Variants in ZNF467 observed in about 807,000 individuals in gnomAD.
ZNF467 encodes zinc finger protein 467.
In ZNF467, 51 loss-of-function variants were observed where a neutral mutation model predicts 47.8. The observed-to-expected ratio is 1.07, with a 90% confidence interval of 0.85 to 1.35. ZNF467 has a LOEUF of 1.35. Among genes scored for constraint, ZNF467 ranks in the 40% most tolerant of loss-of-function variants. The probability of loss-of-function intolerance (pLI) is 0.00; values close to 1 mark genes in which losing one functional copy is unlikely to be tolerated. For synonymous variants in ZNF467, 416 were observed against 372.9 expected (o/e 1.12, Z -1.33); for missense variants, 992 against 858.1 (o/e 1.16, Z -1.95).
chr7:149,775,039 G>A (rs989985825), upstream of ZNF467, among the ~76,000 whole-genome samples: 90 of 152,268 alleles, frequency 5.9e-4, no homozygotes, highest in African/African-American at 2.1e-3. Context: ...GGACCAGGGT[G>A]GACCCCGGAT....
chr7:149,767,047 G>T (rs1799246316), intron 4 of ZNF467, among the ~76,000 whole-genome samples: 1 of 152,222 alleles, frequency 6.6e-6, no homozygotes, highest in South Asian at 2.1e-4. Context: ...GCCCCTGTCG[G>T]GTGCTGCAAT....
In ZNF467 at chr7:149,765,298, G is replaced by A. The variant is rs763529325; in HGVS notation, c.1204C>T (p.Pro402Ser). The A allele has an allele frequency of 2.0e-6, 3 of 1,476,030 alleles. No homozygotes were observed. The highest frequency in any genetic ancestry group is 4.9e-5 in the East Asian group (2 of 40,454). 91.4% of individuals were successfully genotyped at this position (1,476,030 alleles called of 1,614,324 possible). Residue 402 changes from proline (P) to serine (S), a missense_variant, in exon 5 of 5, where the codon CCC (proline) becomes TCC (serine). Coordinates refer to ENST00000302017, the MANE Select transcript of ZNF467 (RefSeq NM_207336.3). ...GATVDAPAAK[P>S]LASAPGGPGC... ...GGTCCGCCAGGCGCGCTGGCCAGGG[G>A]CTTGGCGGCGGGGGCATCCACGGTG...
chr7:149,765,078 A>C lies in ZNF467; in HGVS notation c.1424T>G (p.Val475Gly). Residue 475 changes from valine to glycine, a missense_variant, in exon 5 of 5, where the codon GTC (valine) becomes GGC (glycine). By Grantham distance (109) the Val-to-Gly change is moderately radical. Transcript: ENST00000302017. ...DRRFGSRPNL[V>G]AHSRAHSGAR... The stretch of plus-strand genomic sequence containing the variant: ...GCCGCTGTGGGCCCTGGAGTGGGCG[A>C]CCAGATTAGGCCGCGAGCCGAAGCG... The C allele has an allele frequency of 6.8e-7, 1 of 1,478,956 alleles. No homozygotes were observed. The allele number at this position is 1,478,956 out of a possible 1,614,324, so 91.6% of individuals were successfully genotyped here. A position where few individuals can be genotyped will look rare whatever the true frequency, so the allele number is the denominator to read the frequency against.
rs1177667026 is a variant in ZNF467, at chr7:149,764,859, C to T, written c.1643G>A (p.Cys548Tyr). 1 of 1,552,602 alleles carries T rather than the reference C, an allele frequency of 6.4e-7. No homozygotes were observed. Among genetic ancestry groups the T allele is most frequent in the East Asian group, 2.3e-5 (1 of 43,924 alleles). ...GGTCTTGCGGCTGAAGCTCTTTCCG[C>T]ACTGCGGGCAGGAGAAGGGGCGGGA... is the stretch of plus-strand genomic sequence containing the variant. ...TGSRPFSCPQ[C>Y]GKSFSRKTHL... is the part of the protein sequence containing the mutation. The change falls in exon 5 of 5, where the codon TGC becomes TAC. Residue 548 changes from cysteine (C) to tyrosine (Y), a missense_variant. By Grantham distance (194) the Cys-to-Tyr change is radical. Coordinates refer to ENST00000302017, the MANE Select transcript of ZNF467 (RefSeq NM_207336.3).
At chr7:149,775,936 G>T, upstream of ZNF467, 3 of 880,230 alleles carry the variant, frequency 3.4e-6, no homozygotes, top group Non-Finnish European at 5.0e-6. Flanking sequence ...GGGAGGCTGC[G>T]TGGGGCAGGA....
rs1563080797 is a variant in ZNF467, at chr7:149,769,869, A to G, written c.151+571T>C. Among the ~76,000 whole-genome samples the G allele has an allele frequency of 6.6e-6, 1 of 152,128 alleles. No individual in the cohort carries two copies. Among genetic ancestry groups the G allele is most frequent in the African/African-American group, 2.4e-5 (1 of 41,442 alleles). On this transcript the variant is annotated intron_variant, in intron 3 of 4. Coordinates refer to ENST00000302017, the MANE Select transcript of ZNF467 (RefSeq NM_207336.3). The surrounding 1 kb of genome is among the most constrained non-coding windows in gnomAD (Gnocchi z 5.3). ...CTAACTTTTAATTTTTTGTGGAGAC[A>G]GGGTCTTGCCATGTTGCCTAGGCTG...
Position 149,773,516 on chromosome 7 carries a change from A to C in ZNF467, c.-451T>G. 1 of 15,256 alleles carries C rather than the reference A, an allele frequency of 6.6e-5. No individual in the cohort carries two copies. Among genetic ancestry groups the C allele is most frequent in the Non-Finnish European group, 1.3e-4 (1 of 7,568 alleles). 0.9% of individuals were successfully genotyped at this position (15,256 alleles called of 1,614,324 possible). On this transcript the variant is annotated 5_prime_UTR_variant, in exon 1 of 5. Transcript: ENST00000302017. ...GGGGAGGGGAGGGGAGGGGAGGGTGATGGGAGAGGGGGTGGAGGAGGGCGA... is the reference window on the plus strand; with the variant it reads ...GGGGAGGGGAGGGGAGGGGAGGGTGCTGGGAGAGGGGGTGGAGGAGGGCGA...
chr7:149,764,479 G>T lies in ZNF467; in HGVS notation c.*235C>A. 1.3e-6 allele frequency: 1 copy of T among 776,346 alleles called. No individual in the cohort carries two copies. Among genetic ancestry groups the T allele is most frequent in the Non-Finnish European group, 2.2e-6 (1 of 461,480 alleles). 48.1% of individuals were successfully genotyped at this position (776,346 alleles called of 1,614,324 possible). A position where few individuals can be genotyped will look rare whatever the true frequency, so the allele number is the denominator to read the frequency against. Reference sequence around the variant, plus strand: ...GCTTTCCAACGGGGCACCTGGGTGGGAGCCTTCCAAGAACTTCAGCTCAGC... The same window carrying T: ...GCTTTCCAACGGGGCACCTGGGTGGTAGCCTTCCAAGAACTTCAGCTCAGC... On this transcript the variant is annotated 3_prime_UTR_variant, in exon 5 of 5. Transcript: ENST00000302017.
rs1232811427 is a variant in ZNF467 at position 149,770,405 on chromosome 7, C to A, written c.151+35G>T. On this transcript the variant is annotated intron_variant, in intron 3 of 4. Transcript: ENST00000302017. ...AGGGCAGGAGGAAAGCAGGGGGACT[C>A]CTCCCTGAGCCTTTCCAGGGTTCCT... 2.0e-6 allele frequency: 3 copies of A among 1,514,046 alleles called. 1 individual carries two copies. The highest frequency in any genetic ancestry group is 2.7e-6 in the Non-Finnish European group (3 of 1,103,902). The allele number at this position is 1,514,046 out of a possible 1,614,324, so 93.8% of individuals were successfully genotyped here. A position where few individuals can be genotyped will look rare whatever the true frequency, so the allele number is the denominator to read the frequency against.
rs901117662 is a variant in ZNF467, at chr7:149,769,177, C to T, written c.175G>A (p.Glu59Lys). 1.3e-6 allele frequency: 2 copies of T among 1,560,020 alleles called. No homozygotes were observed. Among genetic ancestry groups the T allele is most frequent in the Non-Finnish European group, 1.7e-6 (2 of 1,151,182 alleles). Residue 59 changes from glutamate (E) to lysine (K), a missense_variant, in exon 4 of 5, where the codon GAA becomes AAA. Coordinates refer to ENST00000302017, the MANE Select transcript of ZNF467 (RefSeq NM_207336.3). The surrounding 1 kb of genome is among the most constrained non-coding windows in gnomAD (Gnocchi z 5.3). ...TCGGCTTGTTCTGTGTGGGCACCTT[C>T]CTCCGGTGTAGGGGCCTCGTGCCCT... ...CSGHEAPTPE[E>K]GAHTEQAEAP...
In ZNF467 at chr7:149,764,845, TGAA is replaced by T. The variant is rs757493063; in HGVS notation, c.1654_1656del (p.Phe552del). The T allele has an allele frequency of 2.6e-6, 4 of 1,549,214 alleles. No individual in the cohort carries two copies. The East Asian group carries it at 6.8e-5, about 26-fold the overall frequency. On this transcript the variant is annotated inframe_deletion, in exon 5 of 5. Coordinates refer to ENST00000302017, the MANE Select transcript of ZNF467 (RefSeq NM_207336.3). ...TGCCGCACCAGGTGGGTCTTGCGGC[TGAA>T]GCTCTTTCCGCACTGCGGGCAGGAG...
At position 149,764,258 on chromosome 7, in the gene ZNF467, C is replaced by T. The variant is rs900644823; in HGVS notation, c.*456G>A. The T allele has an allele frequency of 2.1e-5, 9 of 427,090 alleles. No individual in the cohort carries two copies. The Admixed American group carries it at 3.8e-4, about 18-fold the overall frequency. The allele number at this position is 427,090 out of a possible 1,614,324, so 26.5% of individuals were successfully genotyped here. A position where few individuals can be genotyped will look rare whatever the true frequency, so the allele number is the denominator to read the frequency against. Reference sequence around the variant, plus strand: ...CTGGCTAAATGTAACTCACCCAGGACAGAAGGGGAAGTGGAGGGGGGTGGT... The same window carrying T: ...CTGGCTAAATGTAACTCACCCAGGATAGAAGGGGAAGTGGAGGGGGGTGGT... On this transcript the variant is annotated 3_prime_UTR_variant, in exon 5 of 5. Transcript: ENST00000302017.
chr7:149,764,302 G>A lies in ZNF467; in HGVS notation c.*412C>T. ...GGGTGGTCTGTGTGTGGATGGAGGT[G>A]GGACAGTGGCTAAGGAGAGTCAGGT... On this transcript the variant is annotated 3_prime_UTR_variant, in exon 5 of 5. Coordinates refer to ENST00000302017, the MANE Select transcript of ZNF467 (RefSeq NM_207336.3). 4.0e-6 allele frequency: 2 copies of A among 505,992 alleles called. No homozygotes were observed. Among genetic ancestry groups the A allele is most frequent in the Non-Finnish European group, 3.5e-6 (1 of 288,480 alleles). The allele number at this position is 505,992 out of a possible 1,614,324, so 31.3% of individuals were successfully genotyped here.
In ZNF467 at chr7:149,765,356, G is replaced by A. The variant is rs373486157; in HGVS notation, c.1146C>T (p.Arg382=). 1 of 1,538,946 alleles carries A rather than the reference G, an allele frequency of 6.5e-7. No homozygotes were observed. Among genetic ancestry groups the A allele is most frequent in the African/African-American group, 1.4e-5 (1 of 73,478 alleles). Residue 382 remains arginine (R), a synonymous_variant, in exon 5 of 5, where the codon CGC becomes CGT. Coordinates refer to ENST00000302017, the MANE Select transcript of ZNF467 (RefSeq NM_207336.3). The stretch of plus-strand genomic sequence containing the variant: ...GTGCGCACTCATCGCACCCAAAGGG[G>A]CGACCCTCGCTGCGGTGCAGACACT... The part of the protein sequence containing the change: ...THQCLHRSEG[R]PFGCDECALG...
chr7:149,765,140 C>G lies in ZNF467; in HGVS notation c.1362G>C (p.Thr454=). ...QHLARHPRVH[T]GERPFACTQC... ...GCGTGCAGGCGAAGGGCCGTTCGCC[C>G]GTGTGCACGCGCGGGTGCCGCGCCA... Residue 454 remains threonine, a synonymous_variant, in exon 5 of 5, where the codon ACG becomes ACC. Coordinates refer to ENST00000302017, the MANE Select transcript of ZNF467 (RefSeq NM_207336.3). 1 of 1,486,062 alleles carries G rather than the reference C, an allele frequency of 6.7e-7. No homozygotes were observed. Among genetic ancestry groups the G allele is most frequent in the Non-Finnish European group, 8.9e-7 (1 of 1,122,464 alleles). 92.1% of individuals were successfully genotyped at this position (1,486,062 alleles called of 1,614,324 possible). A position where few individuals can be genotyped will look rare whatever the true frequency, so the allele number is the denominator to read the frequency against.
At chr7:149,767,454 T>G (rs1158640154) in intron 4 of ZNF467, among the ~76,000 whole-genome samples, 2 of 152,258 alleles carry the variant, frequency 1.3e-5, no homozygotes, top group African/African-American at 4.8e-5. Flanking sequence ...ATCAGTCCAT[T>G]GATTCCAGAC....
At position 149,769,040 on chromosome 7, in the gene ZNF467, C is replaced by T. The variant is rs199666652; in HGVS notation, c.262+50G>A. 6.1e-6 allele frequency: 9 copies of T among 1,465,932 alleles called. No homozygotes were observed. Among genetic ancestry groups the T allele is most frequent in the South Asian group, 2.7e-5 (2 of 75,136 alleles). 90.8% of individuals were successfully genotyped at this position (1,465,932 alleles called of 1,614,324 possible). ...AGCAGCTCCGGAGCTTGCTGGGCCCCGTTCCCTTGGCCTGAGCCCGTGGTG... is the reference window on the plus strand; with the variant it reads ...AGCAGCTCCGGAGCTTGCTGGGCCCTGTTCCCTTGGCCTGAGCCCGTGGTG... On this transcript the variant is annotated intron_variant, in intron 4 of 4. Coordinates refer to ENST00000302017, the MANE Select transcript of ZNF467 (RefSeq NM_207336.3). The surrounding 1 kb of genome is among the most constrained non-coding windows in gnomAD (Gnocchi z 5.3).
chr7:149,764,389 T>C lies in ZNF467; in HGVS notation c.*325A>G. The C allele has an allele frequency of 1.8e-6, 1 of 562,722 alleles. No individual in the cohort carries two copies. The highest frequency in any genetic ancestry group is 2.4e-5 in the South Asian group (1 of 42,326). 34.9% of individuals were successfully genotyped at this position (562,722 alleles called of 1,614,324 possible). Reference sequence around the variant, plus strand: ...TTCCGATTTTAACTTTAATGAAACTTTAAGTACATAAATAACCACTCTTTC... The same window carrying C: ...TTCCGATTTTAACTTTAATGAAACTCTAAGTACATAAATAACCACTCTTTC... On this transcript the variant is annotated 3_prime_UTR_variant, in exon 5 of 5. Transcript: ENST00000302017.
At chr7:149,775,895 C>T (rs905214502), upstream of ZNF467, 33 of 530,402 alleles carry the variant, frequency 6.2e-5, no homozygotes, top group Non-Finnish European at 1.0e-4. Flanking sequence ...TAAAGCCCCC[C>T]ACAGCCCCCA....
Sources: allele counts gnomAD v4.1 joint callset (sites outside exome capture counted in the v4.1 genomes callset), GRCh38; gene constraint gnomAD v4.1.1; non-coding constraint Gnocchi (gnomAD v3.1); transcripts MANE v1.5; gene names NCBI Gene and HGNC (gene_info 2026-07-23, HGNC 2026-07-21).